RIMS2: variants seen among roughly 807,000 people sequenced by gnomAD.
The protein encoded by RIMS2 is regulating synaptic membrane exocytosis 2, also known as regulating synaptic membrane exocytosis protein 2.
A neutral mutation model predicts 174.4 loss-of-function variants in RIMS2; 59 were observed. The ratio of observed to expected loss-of-function variants is 0.34; its 90% CI spans 0.27 to 0.42. RIMS2 has a LOEUF of 0.42. Ranked by LOEUF, RIMS2 falls within the 10% of genes least tolerant of loss-of-function variation. The probability of loss-of-function intolerance (pLI) is 1.00; values close to 1 mark genes in which losing one functional copy is unlikely to be tolerated. For synonymous variants in RIMS2, 606 were observed against 572.5 expected (o/e 1.06, Z -0.84); for missense variants, 1,620 against 1,666.3 (o/e 0.97, Z 0.48).
chr8:104,206,076 A>G (rs1182632368), intron 19 of RIMS2, among the ~76,000 whole-genome samples: 2 of 152,154 alleles, frequency 1.3e-5, no homozygotes, highest in African/African-American at 4.8e-5. Context: ...TATTTATATT[A>G]TGAAGAGGAA....
intron 3 of RIMS2, among the ~76,000 whole-genome samples, chr8:103,835,671 A>G: frequency 6.6e-6 from 1 of 152,238 alleles, no homozygotes; most frequent in Non-Finnish European, 1.5e-5. Flanking sequence ...TTTAAGTTGT[A>G]TTGATCCTAT....
intron 2 of RIMS2, among the ~76,000 whole-genome samples, chr8:103,734,327 T>TG (rs1158422030): frequency 6.6e-6 from 1 of 151,386 alleles, no homozygotes; most frequent in East Asian, 1.9e-4. Flanking sequence ...CTTTTTTTTT[T>TG]TTTTTTTTAA....
At chr8:103,625,423 A>G (rs1181319659) in intron 1 of RIMS2, among the ~76,000 whole-genome samples, 1 of 152,210 alleles carries the variant, frequency 6.6e-6, no homozygotes, top group South Asian at 2.1e-4. Context: ...ATTTAATAAT[A>G]GAACATTTAG....
At chr8:104,000,494 A>G (rs1596768062) in intron 17 of RIMS2, among the ~76,000 whole-genome samples, 1 of 151,788 alleles carries the variant, frequency 6.6e-6, no homozygotes, top group East Asian at 1.9e-4. Context: ...TATCTTGGCT[A>G]TTGTAAATAG....
intron 1 of RIMS2, among the ~76,000 whole-genome samples, chr8:103,695,504 T>C (rs2097090019): frequency 6.6e-6 from 1 of 151,928 alleles, no homozygotes; most frequent in African/African-American, 2.4e-5. Context: ...TGTCTAGGTC[T>C]CTTTTTCCAT....
rs577712444 is a variant in RIMS2, at chr8:104,036,278, G to A, written c.3334+21663G>A. On this transcript the variant is annotated intron_variant, in intron 19 of 23. Coordinates refer to ENST00000504942, the Ensembl canonical transcript of RIMS2. The stretch of plus-strand genomic sequence containing the variant: ...CCATTCTCCTGCCTCAGCCTCCCAT[G>A]TAGCTGGCACTACAGGTGCCGGCCA... Among the ~76,000 whole-genome samples, 49 of 151,880 alleles carry A rather than the reference G, an allele frequency of 3.2e-4. 1 individual carries two copies. In the East Asian group the frequency reaches 9.1e-3, roughly 28 times the overall value.
intron 11 of RIMS2, among the ~76,000 whole-genome samples, chr8:103,930,006 A>T (rs920952338): frequency 5.3e-5 from 8 of 151,954 alleles, no homozygotes; most frequent in African/African-American, 1.9e-4. Context: ...GGAATTTATA[A>T]CTTTATAATA....
chr8:103,752,371 A>T (rs1439896366), intron 2 of RIMS2, among the ~76,000 whole-genome samples: 1 of 152,170 alleles, frequency 6.6e-6, no homozygotes, highest in Non-Finnish European at 1.5e-5. Flanking sequence ...GTATAGTTAG[A>T]AGTCAGGTAG....
Position 103,860,788 on chromosome 8 carries a change from G to GT in RIMS2, c.699-24500dup, listed in dbSNP as rs34041732. Among the ~76,000 whole-genome samples the GT allele has an allele frequency of 6.6e-5, 10 of 150,640 alleles. No homozygotes were observed. The East Asian group carries it at 1.2e-3, about 18-fold the overall frequency. ...ATGAGCAGAAATATTGTAAAATAATGTTTTTTTTTTCCCTACAAAATAATT... is the reference window on the plus strand; with the variant it reads ...ATGAGCAGAAATATTGTAAAATAATGTTTTTTTTTTTCCCTACAAAATAATT... On this transcript the variant is annotated intron_variant, in intron 3 of 23. Transcript: ENST00000504942.
intron 19 of RIMS2, among the ~76,000 whole-genome samples, chr8:104,211,145 C>G (rs2099103513): frequency 6.6e-6 from 1 of 152,018 alleles, no homozygotes; most frequent in Admixed American, 6.6e-5. Context: ...AGAAAGTGTG[C>G]AGCAGGGAAT....
In RIMS2 at chr8:103,597,456, A is replaced by G. The variant is rs78044687; in HGVS notation, c.176+96394A>G. The stretch of plus-strand genomic sequence containing the variant: ...CATTTAGCCTCCTGCTTCAGGTTCT[A>G]CTTGTTTTCCTGGCTCTGGCTGTGT... On this transcript the variant is annotated intron_variant, in intron 1 of 23. Transcript: ENST00000504942. 2.9e-4 allele frequency among the ~76,000 whole-genome samples: 44 copies of G among 151,898 alleles called. No individual in the cohort carries two copies. The South Asian group carries it at 3.7e-3, about 13-fold the overall frequency.
At chr8:103,868,803 T>C (rs932460546) in intron 3 of RIMS2, among the ~76,000 whole-genome samples, 1 of 152,176 alleles carries the variant, frequency 6.6e-6, no homozygotes, top group Non-Finnish European at 1.5e-5. Context: ...TGTTTCCCTA[T>C]ATTTTGTTGA....
At chr8:103,970,778 TG>T (rs1437706714) in intron 15 of RIMS2, among the ~76,000 whole-genome samples, 2 of 152,168 alleles carry the variant, frequency 1.3e-5, no homozygotes, top group African/African-American at 4.8e-5. Context: ...CAAGATAATT[TG>T]TCGCTTTTTC....
intron 19 of RIMS2, chr8:104,223,686 C>G: frequency 6.3e-7 from 1 of 1,591,378 alleles, no homozygotes. Flanking sequence ...GCCAGCGCTG[C>G]GGGGCGCTCC....
intron 19 of RIMS2, among the ~76,000 whole-genome samples, chr8:104,141,486 T>C (rs983966076): frequency 7.9e-5 from 12 of 152,214 alleles, no homozygotes; most frequent in African/African-American, 2.9e-4. Flanking sequence ...TTTGATGTTG[T>C]ATTTGGAGAC....
intron 2 of RIMS2, among the ~76,000 whole-genome samples, chr8:103,713,075 G>A (rs1407571022): frequency 6.6e-6 from 1 of 151,486 alleles, no homozygotes. Context: ...CTATAGTGCA[G>A]TGGTGCAATC....
At chr8:103,785,754 G>A (rs193158032) in intron 3 of RIMS2, among the ~76,000 whole-genome samples, 2 of 152,294 alleles carry the variant, frequency 1.3e-5, no homozygotes, top group Admixed American at 1.3e-4. Context: ...GTCTCTGCCT[G>A]GCTTTGGTAT....
At chr8:103,933,176 C>A (rs1276834357) in intron 12 of RIMS2, among the ~76,000 whole-genome samples, 1 of 152,002 alleles carries the variant, frequency 6.6e-6, no homozygotes, top group Admixed American at 6.6e-5. Flanking sequence ...GCCTATAGTC[C>A]CAGCTACTCG....
chr8:104,248,904 TC>T, intron 21 of RIMS2, 91 bp downstream of exon 27: 1 of 669,812 alleles, frequency 1.5e-6, no homozygotes, highest in Non-Finnish European at 2.6e-6. Context: ...TCTCTCTCTC[TC>T]TCTCTCTTTC....
Sources: gnomAD v4.1 joint callset for allele counts (sites outside exome capture counted in the v4.1 genomes callset) on GRCh38, gnomAD v4.1.1 for gene constraint, MANE v1.5 for transcripts, NCBI Gene and HGNC (gene_info 2026-07-23, HGNC 2026-07-21) for gene names.